The following RBFOX1 variants were observed in gnomAD, a reference collection of about 807,000 sequenced individuals.
The protein encoded by RBFOX1 is RNA binding protein fox-1 homolog 1.
In RBFOX1, 8 loss-of-function variants were observed where a neutral mutation model predicts 57.7. The observed-to-expected ratio is 0.14, with a 90% CI of 0.08 to 0.25. The LOEUF is 0.25. Among genes scored for constraint, RBFOX1 ranks in the 10% least tolerant of loss-of-function variants. The pLI, the probability that RBFOX1 is intolerant of heterozygous loss-of-function variation, is 1.00. For synonymous variants in RBFOX1, 326 were observed against 222.4 expected (o/e 1.47, Z -4.15); for missense variants, 611 against 548.5 (o/e 1.11, Z -1.14).
chr16:7,285,721 T>C (rs2095637892), intron 4 of RBFOX1, among the ~76,000 whole-genome samples: 1 of 152,200 alleles, frequency 6.6e-6, no homozygotes, highest in Non-Finnish European at 1.5e-5. Context: ...ACTTATTCCT[T>C]TTCATTGCTG....
chr16:6,878,807 A>G (rs941038632), intron 3 of RBFOX1, among the ~76,000 whole-genome samples: 15 of 152,202 alleles, frequency 9.9e-5, no homozygotes, highest in Admixed American at 5.9e-4. Flanking sequence ...CTTTTCACAA[A>G]GTATAGAAAG....
chr16:5,872,614 T>C (rs544190649), intron 4 of RBFOX1, among the ~76,000 whole-genome samples: 1 of 152,088 alleles, frequency 6.6e-6, no homozygotes, highest in East Asian at 1.9e-4. Flanking sequence ...TGTGTGTTTG[T>C]AGTCCCAGCT....
Position 6,779,924 on chromosome 16 carries a change from T to C in RBFOX1, c.-16+125274T>C, listed in dbSNP as rs1353056581. ...TTATATATATTTATATATTTATATATATTTATATATATTTATATATATTTA... is the reference window on the plus strand; with the variant it reads ...TTATATATATTTATATATTTATATACATTTATATATATTTATATATATTTA... On this transcript the variant is annotated intron_variant, in intron 3 of 15. Coordinates refer to ENST00000550418, the MANE Select transcript of RBFOX1 (RefSeq NM_018723.4). 9.8e-5 allele frequency among the ~76,000 whole-genome samples: 4 copies of C among 40,790 alleles called. No individual in the cohort carries two copies. The South Asian group carries it at 3.8e-3, about 39-fold the overall frequency. The allele number at this position is 40,790 out of a possible 152,430, so 26.8% of individuals were successfully genotyped here. A position where few individuals can be genotyped will look rare whatever the true frequency, so the allele number is the denominator to read the frequency against.
rs1007700474 is a variant in RBFOX1, at chr16:5,496,468, C to G, written c.258+29214C>G. On this transcript the variant is annotated intron_variant, in intron 2 of 2. Transcript: ENST00000585867. ...GTGTCCATCTCAGAGAGGCCTTTTC[C>G]ATCTGCAGTGGTCTCTCTAGTCACA... Among the ~76,000 whole-genome samples the G allele has an allele frequency of 2.6e-5, 4 of 152,222 alleles. No homozygotes were observed. In the East Asian group the frequency reaches 7.7e-4, roughly 29 times the overall value.
At chr16:7,696,364 G>C (rs918730095) in intron 14 of RBFOX1, among the ~76,000 whole-genome samples, 20 of 152,182 alleles carry the variant, frequency 1.3e-4, no homozygotes, top group African/African-American at 4.6e-4. Flanking sequence ...TTGATGAGTT[G>C]GATTCTTCAA....
intron 3 of RBFOX1, among the ~76,000 whole-genome samples, chr16:6,972,537 C>T (rs929489354): frequency 1.3e-5 from 2 of 152,136 alleles, no homozygotes; most frequent in Non-Finnish European, 2.9e-5. Flanking sequence ...AATAGTGCTG[C>T]TTTGAACATG....
intron 4 of RBFOX1, among the ~76,000 whole-genome samples, chr16:7,228,388 C>G (rs887451185): frequency 3.3e-5 from 5 of 152,124 alleles, no homozygotes; most frequent in African/African-American, 9.7e-5. Flanking sequence ...CAAGTGAGTT[C>G]AACTAAGATT....
At chr16:5,313,717 T>G (rs1430846349) in intron 1 of RBFOX1, among the ~76,000 whole-genome samples, 1 of 152,164 alleles carries the variant, frequency 6.6e-6, no homozygotes, top group Non-Finnish European at 1.5e-5. Flanking sequence ...TCAGATCTCC[T>G]GAGACTTATT....
chr16:7,048,777 G>A (rs1326350054), intron 3 of RBFOX1, among the ~76,000 whole-genome samples: 1 of 152,154 alleles, frequency 6.6e-6, no homozygotes, highest in African/African-American at 2.4e-5. Context: ...AGTATGCTAA[G>A]TCATTTTGGT....
intron 3 of RBFOX1, among the ~76,000 whole-genome samples, chr16:6,995,909 A>G (rs2092181459): frequency 6.6e-6 from 1 of 152,220 alleles, no homozygotes; most frequent in Non-Finnish European, 1.5e-5. Flanking sequence ...TAAATTTATT[A>G]GAAAGCATAT....
intron 3 of RBFOX1, among the ~76,000 whole-genome samples, chr16:5,745,391 C>T (rs9931269): frequency 0.15 from 23,279 of 152,034 alleles, 2,027 homozygotes; most frequent in African/African-American, 0.22. Context: ...TGAATAGTGC[C>T]GCAATAAACA....
intron 15 of RBFOX1, chr16:7,710,356 C>T (rs569562425): frequency 7.7e-7 from 1 of 1,291,140 alleles, no homozygotes; most frequent in Non-Finnish European, 9.8e-7. Flanking sequence ...GAAAATCCTT[C>T]CATTGTCCAG....
chr16:5,643,164 G>GA (rs947521255), intron 3 of RBFOX1, among the ~76,000 whole-genome samples: 1 of 152,012 alleles, frequency 6.6e-6, no homozygotes, highest in Non-Finnish European at 1.5e-5. Flanking sequence ...CGGTAGGCAT[G>GA]AAAAAAAATG....
chr16:6,032,484 G>C (rs764077458), intron 1 of RBFOX1, among the ~76,000 whole-genome samples: 1 of 152,166 alleles, frequency 6.6e-6, no homozygotes, highest in African/African-American at 2.4e-5. Flanking sequence ...TGAGCTTTTT[G>C]TTCCTTGATG....
intron 2 of RBFOX1, among the ~76,000 whole-genome samples, chr16:6,590,102 G>C (rs759461214): frequency 6.6e-6 from 1 of 152,226 alleles, no homozygotes; most frequent in Non-Finnish European, 1.5e-5. Flanking sequence ...AAGAATGATA[G>C]CGTTTTGTAA....
chr16:6,848,605 ATGTATG>A (rs1252064685), intron 3 of RBFOX1, among the ~76,000 whole-genome samples: 3 of 151,572 alleles, frequency 2.0e-5, no homozygotes, highest in Non-Finnish European at 4.4e-5. Context: ...GAAAGAGAAG[ATGTATG>A]TGTATGTGTG....
At chr16:6,937,567 C>T (rs1450385198) in intron 3 of RBFOX1, among the ~76,000 whole-genome samples, 1 of 152,080 alleles carries the variant, frequency 6.6e-6, no homozygotes. Flanking sequence ...CCTAGTTTCA[C>T]ACATTTTAGG....
intron 4 of RBFOX1, among the ~76,000 whole-genome samples, chr16:7,374,769 A>C (rs182342479): frequency 6.6e-6 from 1 of 152,170 alleles, no homozygotes; most frequent in Non-Finnish European, 1.5e-5. Flanking sequence ...TTTTCACAGC[A>C]TCAAGATATC....
intron 4 of RBFOX1, among the ~76,000 whole-genome samples, chr16:7,114,832 T>A (rs1388082367): frequency 2.0e-5 from 3 of 152,206 alleles, no homozygotes; most frequent in Non-Finnish European, 4.4e-5. Context: ...GTGGTTTTCA[T>A]GAAGCCAAAT....
Sources: gnomAD v4.1 joint callset for allele counts (sites outside exome capture counted in the v4.1 genomes callset) on GRCh38, gnomAD v4.1.1 for gene constraint, MANE v1.5 for transcripts, NCBI Gene and HGNC (gene_info 2026-07-23, HGNC 2026-07-21) for gene names.